The following GAB2 variants were observed in gnomAD, a reference collection of about 807,000 sequenced individuals.
GAB2 encodes the protein GRB2 associated binding protein 2.
In GAB2, 26 loss-of-function variants were observed where a neutral mutation model predicts 65.5. The observed-to-expected ratio is 0.40, with a 90% CI of 0.29 to 0.55. GAB2 has a LOEUF of 0.55. Ranked by LOEUF, GAB2 falls within the 20% of genes least tolerant of loss-of-function variation. The pLI, the probability that GAB2 is intolerant of heterozygous loss-of-function variation, is 0.53. For missense variants in GAB2, 884 were observed against 875.8 expected (o/e 1.01, Z -0.12); for synonymous variants, 321 against 329.6 (o/e 0.97, Z 0.28).
intron 9 of GAB2, 46 bp downstream of exon 9, chr11:78,220,273 G>A (rs757993908): frequency 2.6e-5 from 42 of 1,607,886 alleles, no homozygotes; most frequent in East Asian, 8.9e-5. Flanking sequence ...CTCTGCCTCC[G>A]GGACCCTGAG....
intron 8 of GAB2, among the ~76,000 whole-genome samples, chr11:78,221,334 TCACCACTGAGGAGATACCTC>T (rs1461352016): frequency 9.2e-5 from 14 of 152,180 alleles, no homozygotes; most frequent in South Asian, 2.1e-4. Context: ...CGTATGCCTC[TCACCACTGAGGAGATACCTC>T]CACCACTGAG....
intron 1 of GAB2, among the ~76,000 whole-genome samples, chr11:78,378,010 C>T (rs1354225154): frequency 6.6e-6 from 1 of 152,206 alleles, no homozygotes; most frequent in Non-Finnish European, 1.5e-5. Context: ...ACACCTACCA[C>T]GTGAGTGTCA....
chr11:78,403,484 G>A (rs932360589), intron 1 of GAB2, among the ~76,000 whole-genome samples: 2 of 152,118 alleles, frequency 1.3e-5, no homozygotes, highest in African/African-American at 2.4e-5. Context: ...ACATACACTG[G>A]AAAAAGTGCA....
At chr11:78,273,545 T>C (rs1295051143) in intron 2 of GAB2, among the ~76,000 whole-genome samples, 1 of 152,254 alleles carries the variant, frequency 6.6e-6, no homozygotes, top group Admixed American at 6.5e-5. Flanking sequence ...CCCCATTGTA[T>C]CTAGGAAATA....
chr11:78,372,655 T>G (rs184901798), intron 1 of GAB2, among the ~76,000 whole-genome samples: 1 of 152,332 alleles, frequency 6.6e-6, no homozygotes, highest in East Asian at 1.9e-4. Context: ...GTGGCTGTCC[T>G]GGGTAGAAAG....
At chr11:78,398,168 G>C (rs1856925974) in intron 1 of GAB2, among the ~76,000 whole-genome samples, 1 of 152,186 alleles carries the variant, frequency 6.6e-6, no homozygotes, top group South Asian at 2.1e-4. Context: ...CAAGTCAGCA[G>C]AACTCCAATT....
chr11:78,411,501 C>T (rs1358033675), intron 1 of GAB2, among the ~76,000 whole-genome samples: 1 of 152,104 alleles, frequency 6.6e-6, no homozygotes, highest in Admixed American at 6.6e-5. Context: ...TGCAGAGGGA[C>T]AGACACATGG....
chr11:78,401,424 G>T (rs1352382745), intron 1 of GAB2, among the ~76,000 whole-genome samples: 3 of 151,474 alleles, frequency 2.0e-5, no homozygotes, highest in African/African-American at 7.3e-5. Flanking sequence ...ATTTTATTTA[G>T]CATAATGTCA....
intron 1 of GAB2, among the ~76,000 whole-genome samples, chr11:78,358,842 T>C (rs564873752): frequency 5.9e-4 from 90 of 152,248 alleles, no homozygotes; most frequent in African/African-American, 2.0e-3. Flanking sequence ...AGACAGAATA[T>C]AAAATTTTTA....
intron 2 of GAB2, chr11:78,280,343 G>C: frequency 2.0e-6 from 1 of 502,694 alleles, no homozygotes; most frequent in South Asian, 2.4e-5. Flanking sequence ...AACGGCAGTG[G>C]TGTTGAGGCA....
intron 8 of GAB2, among the ~76,000 whole-genome samples, chr11:78,220,977 C>A (rs188362072): frequency 3.3e-5 from 5 of 152,236 alleles, no homozygotes; most frequent in African/African-American, 7.2e-5. Flanking sequence ...CTTGCTCCCC[C>A]GCCTAGCTCC....
At chr11:78,255,121 G>C (rs1271534834) in intron 2 of GAB2, among the ~76,000 whole-genome samples, 1 of 152,130 alleles carries the variant, frequency 6.6e-6, no homozygotes, top group East Asian at 1.9e-4. Context: ...CACAGAGACA[G>C]AGAAACACAA....
intron 1 of GAB2, among the ~76,000 whole-genome samples, chr11:78,296,397 C>T (rs1866828505): frequency 1.3e-5 from 2 of 152,190 alleles, no homozygotes; most frequent in Admixed American, 1.3e-4. Flanking sequence ...TTCAGTAAGA[C>T]TGAACTCATG....
At chr11:78,318,379 A>AAAAAAAAAAAAAAAAAAAAAG (rs1394447267) in intron 1 of GAB2, among the ~76,000 whole-genome samples, 1 of 147,986 alleles carries the variant, frequency 6.8e-6, no homozygotes, top group South Asian at 2.1e-4. Context: ...CAAAAAAAAA[A>AAAAAAAAAAAAAAAAAAAAAG]AAAAAAAGCT....
intron 1 of GAB2, among the ~76,000 whole-genome samples, chr11:78,355,865 C>T (rs1856350951): frequency 6.6e-6 from 1 of 151,956 alleles, no homozygotes; most frequent in Non-Finnish European, 1.5e-5. Context: ...CCTTAGCCAA[C>T]TCATCTTTAA....
At chr11:78,397,283 T>C (rs991233771) in intron 1 of GAB2, among the ~76,000 whole-genome samples, 5 of 152,242 alleles carry the variant, frequency 3.3e-5, no homozygotes, top group African/African-American at 1.2e-4. Flanking sequence ...CTGAGTAATA[T>C]TTGTTCAAAA....
At chr11:78,349,673 T>C (rs531807244) in intron 1 of GAB2, among the ~76,000 whole-genome samples, 1 of 152,280 alleles carries the variant, frequency 6.6e-6, no homozygotes, top group African/African-American at 2.4e-5. Context: ...TCAGGGAGTT[T>C]TTTTTCTTTT....
intron 1 of GAB2, among the ~76,000 whole-genome samples, chr11:78,316,345 C>T (rs1209189288): frequency 1.3e-5 from 2 of 152,082 alleles, no homozygotes; most frequent in African/African-American, 4.8e-5. Flanking sequence ...TATAAACTCC[C>T]TTTCATATAT....
chr11:78,340,558 G>C (rs1479764902), intron 1 of GAB2, among the ~76,000 whole-genome samples: 1 of 150,980 alleles, frequency 6.6e-6, no homozygotes, highest in African/African-American at 2.4e-5. Flanking sequence ...TGAACAAAGG[G>C]AAAGCTTATA....
Sources: gnomAD v4.1 joint callset for allele counts (sites outside exome capture counted in the v4.1 genomes callset) on GRCh38, gnomAD v4.1.1 for gene constraint, MANE v1.5 for transcripts, NCBI Gene and HGNC (gene_info 2026-07-23, HGNC 2026-07-21) for gene names.